Variants in INTU observed in about 807,000 individuals in gnomAD.
INTU encodes protein inturned.
INTU carries 68 observed loss-of-function variants against 100.5 expected under a neutral mutation model. That is an observed-to-expected ratio of 0.68 (90% CI 0.56 to 0.83). INTU has a LOEUF of 0.83. INTU is among the 40% of genes least tolerant of loss of function. The probability of loss-of-function intolerance (pLI) is 0.00; values close to 1 mark genes in which losing one functional copy is unlikely to be tolerated. For synonymous variants in INTU, 357 were observed against 395.7 expected, an observed-to-expected ratio of 0.90 and a Z score of 1.16; for missense variants, 1,071 against 1,114.7, an observed-to-expected ratio of 0.96 and a Z score of 0.56.
rs1486698259 is a variant in INTU at position 127,719,496 on chromosome 4, T to C, written c.*3060T>C. On this transcript the variant is annotated 3_prime_UTR_variant, in exon 16 of 16. Transcript: ENST00000335251. The stretch of plus-strand genomic sequence containing the variant: ...TGATATCAGGATGATGCTGGCCTTA[T>C]AGAATGAGTTAGGGAGGAGTCTCTC... 6.6e-6 allele frequency: 1 copy of C among 152,216 alleles called. No homozygotes were observed. The highest frequency in any genetic ancestry group is 1.5e-5 in the Non-Finnish European group (1 of 68,026). 9.4% of individuals were successfully genotyped at this position (152,216 alleles called of 1,614,324 possible).
intron 6 of INTU, chr4:127,683,893 G>T (rs1729697538): frequency 6.6e-6 from 1 of 152,184 alleles, no homozygotes; most frequent in Non-Finnish European, 1.5e-5. Flanking sequence ...AGGCTTCAAT[G>T]AGAAAATGTA....
chr4:127,718,223 C>T lies in INTU; in HGVS notation c.*1787C>T, dbSNP rs1731296977. ...TATGGATAGCTAGTTCTCCCAGCACCATTTATTAAATAAGGAATCCTTTCC... is the reference window on the plus strand; with the variant it reads ...TATGGATAGCTAGTTCTCCCAGCACTATTTATTAAATAAGGAATCCTTTCC... On this transcript the variant is annotated 3_prime_UTR_variant, in exon 16 of 16. Coordinates refer to ENST00000335251, the MANE Select transcript of INTU (RefSeq NM_015693.4). 6.6e-6 allele frequency: 1 copy of T among 152,154 alleles called. No homozygotes were observed. Among genetic ancestry groups the T allele is most frequent in the African/African-American group, 2.4e-5 (1 of 41,434 alleles). The allele number at this position is 152,154 out of a possible 1,614,324, so 9.4% of individuals were successfully genotyped here.
In INTU at chr4:127,722,431, G is replaced by C. The variant is rs1731359250; in HGVS notation, c.*5995G>C. On this transcript the variant is annotated 3_prime_UTR_variant, in exon 16 of 16. Transcript: ENST00000335251. ...GGGAGGTCTCAGTCAGAAGGAGCGG[G>C]GTCAGAGAACCACTTAAATAAGCAG... 6.6e-6 allele frequency: 1 copy of C among 152,342 alleles called. No homozygotes were observed. Among genetic ancestry groups the C allele is most frequent in the African/African-American group, 2.4e-5 (1 of 41,446 alleles). The allele number at this position is 152,342 out of a possible 1,614,324, so 9.4% of individuals were successfully genotyped here.
At chr4:127,648,745 ACTACAG>A (rs1727697423) in intron 2 of INTU, among the ~76,000 whole-genome samples, 1 of 152,018 alleles carries the variant, frequency 6.6e-6, no homozygotes, top group South Asian at 2.1e-4. Context: ...TCTTTTAATC[ACTACAG>A]CTATAAGTAA....
chr4:127,726,719 G>T lies in INTU; in HGVS notation c.*10283G>T, dbSNP rs1731424491. The T allele has an allele frequency of 6.6e-6, 1 of 152,110 alleles. No individual in the cohort carries two copies. Among genetic ancestry groups the T allele is most frequent in the Non-Finnish European group, 1.5e-5 (1 of 68,038 alleles). 9.4% of individuals were successfully genotyped at this position (152,110 alleles called of 1,614,324 possible). A position where few individuals can be genotyped will look rare whatever the true frequency, so the allele number is the denominator to read the frequency against. ...ATATTGATAGTTTTAAATAAAACTG[G>T]TTTGGAGGTTTGTTTGCAGTTGTAT... On this transcript the variant is annotated 3_prime_UTR_variant, in exon 16 of 16. Transcript: ENST00000335251.
At chr4:127,686,661 T>C (rs1325860496) in intron 7 of INTU, 1 of 152,238 alleles carries the variant, frequency 6.6e-6, no homozygotes, top group African/African-American at 2.4e-5. Flanking sequence ...AGCCAATCTG[T>C]CACACCACCC....
intron 4 of INTU, among the ~76,000 whole-genome samples, chr4:127,667,585 A>G (rs571908404): frequency 6.6e-6 from 1 of 152,256 alleles, no homozygotes; most frequent in African/African-American, 2.4e-5. Flanking sequence ...TCGAAAAACT[A>G]TTCAAAGAGT....
At chr4:127,664,335 G>A (rs1184427485) in intron 4 of INTU, among the ~76,000 whole-genome samples, 1 of 152,098 alleles carries the variant, frequency 6.6e-6, no homozygotes, top group East Asian at 1.9e-4. Context: ...CAAATTCTAT[G>A]CCCTTTCTTT....
chr4:127,716,424 G>T lies in INTU; in HGVS notation c.2817G>T (p.Gly939=). ...AIEIAFKLFF[G]LTL Reference sequence around the variant, plus strand: ...AAATAGCTTTTAAATTGTTCTTTGGGTTAACCTTGTAGCTGTGCTTTCTTG... The same window carrying T: ...AAATAGCTTTTAAATTGTTCTTTGGTTTAACCTTGTAGCTGTGCTTTCTTG... Residue 939 remains glycine (G), a synonymous_variant, in exon 16 of 16, where the codon GGG becomes GGT. Transcript: ENST00000335251. 1 of 1,560,190 alleles carries T rather than the reference G, an allele frequency of 6.4e-7. No homozygotes were observed.
intron 6 of INTU, among the ~76,000 whole-genome samples, chr4:127,680,852 C>G (rs1729503454): frequency 6.6e-6 from 1 of 151,654 alleles, no homozygotes. Flanking sequence ...TCTAGAAAAC[C>G]CCATTGTCTC....
Position 127,726,351 on chromosome 4 carries a change from G to T in INTU, c.*9915G>T, listed in dbSNP as rs1731415933. 6.6e-6 allele frequency: 1 copy of T among 152,138 alleles called. No homozygotes were observed. The highest frequency in any genetic ancestry group is 1.5e-5 in the Non-Finnish European group (1 of 68,038). 9.4% of individuals were successfully genotyped at this position (152,138 alleles called of 1,614,324 possible). On this transcript the variant is annotated 3_prime_UTR_variant, in exon 16 of 16. Coordinates refer to ENST00000335251, the MANE Select transcript of INTU (RefSeq NM_015693.4). ...CAATTTACTAGGTTTTTCTGCTTTG[G>T]ACATAATTGTATGTGTTAATTCTCT... is the stretch of plus-strand genomic sequence containing the variant.
At chr4:127,702,221 A>T (rs72616935) in intron 9 of INTU, among the ~76,000 whole-genome samples, 4,667 of 152,214 alleles carry the variant, frequency 0.031, 307 homozygotes, top group East Asian at 0.27. Context: ...ACCATAATTC[A>T]TAAAAGAAAA....
rs201840790 is a variant in INTU, at chr4:127,706,531, A to G, written c.1833A>G (p.Ala611=). ...TACTATTAGAAGCTGGAGGTTGCGC[A>G]TCCAAAGCTATTGGGAGTCCTGGAC... ...LCVLLEAGGC[A]SKAIGSPGPD... The change falls in exon 12 of 16, where the codon GCA becomes GCG. Residue 611 remains alanine, a synonymous_variant. Transcript: ENST00000335251. The G allele has an allele frequency of 3.7e-6, 6 of 1,613,912 alleles. No individual in the cohort carries two copies. The Admixed American group carries it at 6.7e-5, about 18-fold the overall frequency.
chr4:127,703,986 T>G (rs985414487), intron 9 of INTU, among the ~76,000 whole-genome samples: 2 of 152,222 alleles, frequency 1.3e-5, no homozygotes, highest in Non-Finnish European at 2.9e-5. Flanking sequence ...TGACAGATTT[T>G]ATGTTCTTAA....
chr4:127,640,222 C>T (rs1727249564), intron 1 of INTU, among the ~76,000 whole-genome samples: 1 of 151,918 alleles, frequency 6.6e-6, no homozygotes. Flanking sequence ...TAGCTATAAT[C>T]TATTTTCAAG....
At chr4:127,705,539 A>T in intron 10 of INTU, 52 bp from the exon 11 acceptor site, 1 of 1,296,238 alleles carries the variant, frequency 7.7e-7, no homozygotes, top group Non-Finnish European at 1.1e-6. Flanking sequence ...ATATTATGGG[A>T]CTATTGCTTT....
intron 6 of INTU, among the ~76,000 whole-genome samples, chr4:127,678,799 A>G (rs1461949654): frequency 6.6e-6 from 1 of 152,224 alleles, no homozygotes; most frequent in Non-Finnish European, 1.5e-5. Flanking sequence ...TAAAAGACAC[A>G]GACTGGCAAA....
chr4:127,642,734 G>C (rs1727386309), intron 1 of INTU, among the ~76,000 whole-genome samples: 1 of 151,516 alleles, frequency 6.6e-6, no homozygotes, highest in African/African-American at 2.4e-5. Flanking sequence ...GAGTATTTTT[G>C]CTCCTTAATG....
At position 127,705,740 on chromosome 4, in the gene INTU, A is replaced by G. The variant is rs750397511; in HGVS notation, c.1716A>G (p.Arg572=). Residue 572 remains arginine (R), a synonymous_variant, in exon 11 of 16, where the codon CGA becomes CGG. Coordinates refer to ENST00000335251, the MANE Select transcript of INTU (RefSeq NM_015693.4). ...WREVFPQHHL[R]PLADSSTEVF... ...AAGTGTTTCCTCAGCATCACCTCCG[A>G]CCTTTGGCAGACTCAAGCACTGAAG... 1.9e-6 allele frequency: 3 copies of G among 1,614,068 alleles called. No homozygotes were observed. In the East Asian group the frequency reaches 6.7e-5, roughly 36 times the overall value.
Sources: allele counts gnomAD v4.1 joint callset (sites outside exome capture counted in the v4.1 genomes callset), GRCh38; gene constraint gnomAD v4.1.1; transcripts MANE v1.5; gene names NCBI Gene and HGNC (gene_info 2026-07-23, HGNC 2026-07-21).